The following JAZF1 variants were observed in gnomAD, a reference collection of about 807,000 sequenced individuals.
JAZF1 encodes the protein JAZF zinc finger 1.
JAZF1 carries 8 observed loss-of-function variants against 26.4 expected under a neutral mutation model. The ratio of observed to expected loss-of-function variants is 0.30; its 90% CI spans 0.18 to 0.55. The LOEUF (loss-of-function observed/expected upper bound fraction) is 0.55. JAZF1 is among the 20% of genes least tolerant of loss of function. The pLI, the probability that JAZF1 is intolerant of heterozygous loss-of-function variation, is 0.94. For missense variants in JAZF1, 199 were observed against 322.0 expected (o/e 0.62, Z 2.92); for synonymous variants, 126 against 122.3 (o/e 1.03, Z -0.20).
chr7:27,996,612 C>T (rs1351480159), intron 1 of JAZF1, among the ~76,000 whole-genome samples: 1 of 152,176 alleles, frequency 6.6e-6, no homozygotes, highest in Non-Finnish European at 1.5e-5. Context: ...ACTTGTGAAG[C>T]CACAGAGTTG....
Position 28,039,408 on chromosome 7 carries a change from G to GT in JAZF1, c.116-47428dup, listed in dbSNP as rs531098004. Among the ~76,000 whole-genome samples, 179 of 152,286 alleles carry GT rather than the reference G, an allele frequency of 1.2e-3. 1 individual carries two copies. The highest frequency in any genetic ancestry group is 6.8e-3 in the Middle Eastern group (2 of 294). Reference sequence around the variant, plus strand: ...AAAAAGTCAGAAAGAAGTGTAACATGTTTTTGCCAATTCTTTTCTATGGTC... The same window carrying GT: ...AAAAAGTCAGAAAGAAGTGTAACATGTTTTTTGCCAATTCTTTTCTATGGTC... On this transcript the variant is annotated intron_variant, in intron 1 of 4. Coordinates refer to ENST00000283928, the MANE Select transcript of JAZF1 (RefSeq NM_175061.4).
rs1321003738 is a variant in JAZF1, at chr7:27,832,300, TAA to T, written c.*498_*499del. On this transcript the variant is annotated 3_prime_UTR_variant, in exon 5 of 5. Transcript: ENST00000283928. Reference sequence around the variant, plus strand: ...CTTTCTTATTTATATTTCCATTACCTAAAGTCTTTCTACTCACAAATACTAAC... The same window carrying T: ...CTTTCTTATTTATATTTCCATTACCTAGTCTTTCTACTCACAAATACTAAC... 3 of 213,666 alleles carry T rather than the reference TAA, an allele frequency of 1.4e-5. No individual in the cohort carries two copies. The highest frequency in any genetic ancestry group is 2.8e-5 in the Non-Finnish European group (3 of 105,462). 13.2% of individuals were successfully genotyped at this position (213,666 alleles called of 1,614,324 possible).
At chr7:28,015,251 C>T (rs919211438) in intron 1 of JAZF1, among the ~76,000 whole-genome samples, 1 of 152,086 alleles carries the variant, frequency 6.6e-6, no homozygotes, top group South Asian at 2.1e-4. Flanking sequence ...CATTAGGGAA[C>T]TGAACTGAGA....
chr7:28,110,890 T>C (rs1259631651), intron 1 of JAZF1, among the ~76,000 whole-genome samples: 2 of 152,164 alleles, frequency 1.3e-5, no homozygotes, highest in East Asian at 1.9e-4. Context: ...TCTAATTCCA[T>C]CCAAAAGTTT....
intron 2 of JAZF1, among the ~76,000 whole-genome samples, chr7:27,972,529 C>T (rs115262731): frequency 0.013 from 2,044 of 152,266 alleles, 40 homozygotes; most frequent in African/African-American, 0.046. Flanking sequence ...TCAAGTGTGA[C>T]AGGAAGCCTT....
chr7:28,095,829 G>GTCCCAGA (rs1784374671), intron 1 of JAZF1, among the ~76,000 whole-genome samples: 1 of 152,236 alleles, frequency 6.6e-6, no homozygotes, highest in East Asian at 1.9e-4. Context: ...GAGGGCAGAA[G>GTCCCAGA]TCCCAGATCA....
chr7:27,999,840 G>A lies in JAZF1; in HGVS notation c.116-7859C>T, dbSNP rs75073630. Among the ~76,000 whole-genome samples the A allele has an allele frequency of 9.3e-4, 141 of 152,254 alleles. 2 individuals are homozygous for A. In the East Asian group the frequency reaches 0.023, roughly 25 times the overall value. On this transcript the variant is annotated intron_variant, in intron 1 of 4. Coordinates refer to ENST00000283928, the MANE Select transcript of JAZF1 (RefSeq NM_175061.4). ...CCTTGGAGAGTCAGGCAAACAGGAG[G>A]GGAAAACAGGCCCATGGTAAATGAC... is the stretch of plus-strand genomic sequence containing the variant.
chr7:27,864,476 C>G (rs1189952664), intron 3 of JAZF1, among the ~76,000 whole-genome samples: 1 of 152,170 alleles, frequency 6.6e-6, no homozygotes, highest in Non-Finnish European at 1.5e-5. Context: ...CTCACCTACT[C>G]AGTTTGGAGT....
intron 2 of JAZF1, chr7:27,914,799 C>T (rs1313663957): frequency 4.2e-6 from 2 of 471,062 alleles, no homozygotes; most frequent in Non-Finnish European, 8.8e-6. Flanking sequence ...CCATCTGATG[C>T]CCAATGTCCC....
rs116851257 is a variant in JAZF1, at chr7:28,047,730, C to T, written c.116-55749G>A. On this transcript the variant is annotated intron_variant, in intron 1 of 4. Coordinates refer to ENST00000283928, the MANE Select transcript of JAZF1 (RefSeq NM_175061.4). ...ATATATGGAGATGATCATATGGATT[C>T]TGGCCTTTTATGCCGTTAACTAAGC... Among the ~76,000 whole-genome samples, 792 of 152,278 alleles carry T rather than the reference C, an allele frequency of 5.2e-3. 4 individuals are homozygous for T. The highest frequency in any genetic ancestry group is 0.014 in the Middle Eastern group (4 of 294).
At chr7:28,096,497 T>C (rs1236198592) in intron 1 of JAZF1, among the ~76,000 whole-genome samples, 2 of 152,234 alleles carry the variant, frequency 1.3e-5, no homozygotes, top group Non-Finnish European at 2.9e-5. Context: ...TCAAATTAAA[T>C]ATTTTGTCTT....
intron 1 of JAZF1, among the ~76,000 whole-genome samples, chr7:28,055,718 T>C (rs1783694009): frequency 6.6e-6 from 1 of 152,164 alleles, no homozygotes; most frequent in Non-Finnish European, 1.5e-5. Context: ...GGCTGGCACA[T>C]AGTAGATGCA....
intron 1 of JAZF1, among the ~76,000 whole-genome samples, chr7:28,080,961 C>T (rs1784127613): frequency 1.3e-5 from 2 of 151,734 alleles, no homozygotes; most frequent in South Asian, 2.1e-4. Flanking sequence ...AATGCACTGT[C>T]TGCCAAGTGT....
intron 3 of JAZF1, among the ~76,000 whole-genome samples, chr7:27,887,902 A>G (rs939947956): frequency 5.3e-5 from 8 of 152,208 alleles, no homozygotes; most frequent in African/African-American, 9.6e-5. Context: ...AGAATTAGCC[A>G]TAAGACTCGA....
At chr7:28,108,727 G>A (rs1027338883) in intron 1 of JAZF1, among the ~76,000 whole-genome samples, 1 of 152,166 alleles carries the variant, frequency 6.6e-6, no homozygotes, top group African/African-American at 2.4e-5. Context: ...CAAAAAATCA[G>A]TATCTCAAAG....
intron 1 of JAZF1, among the ~76,000 whole-genome samples, chr7:28,117,707 A>G (rs964161024): frequency 6.6e-5 from 10 of 152,236 alleles, no homozygotes; most frequent in African/African-American, 2.2e-4. Flanking sequence ...TAGTCTAGAC[A>G]CTACAGAGGT....
At chr7:28,103,227 A>C (rs1554288419) in intron 1 of JAZF1, among the ~76,000 whole-genome samples, 1 of 151,876 alleles carries the variant, frequency 6.6e-6, no homozygotes, top group Non-Finnish European at 1.5e-5. Context: ...CCATTCCCAA[A>C]TGCCTATCTT....
chr7:28,102,419 C>T (rs1253701209), intron 1 of JAZF1, among the ~76,000 whole-genome samples: 2 of 152,216 alleles, frequency 1.3e-5, no homozygotes, highest in East Asian at 3.8e-4. Context: ...ATAAGTATCA[C>T]TCTCTGATTT....
rs117540211 is a variant in JAZF1 at position 27,974,619 on chromosome 7, G to A, written c.188+17290C>T. ...ATACTTTTATGTAGGAATTCTCCAC[G>A]TCCACTAAGTAGAGAGGCACATATT... On this transcript the variant is annotated intron_variant, in intron 2 of 4. Transcript: ENST00000283928. 5.3e-3 allele frequency among the ~76,000 whole-genome samples: 800 copies of A among 152,242 alleles called. 5 individuals carry two copies. The highest frequency in any genetic ancestry group is 9.3e-3 in the South Asian group (45 of 4,818).
Sources: allele counts gnomAD v4.1 joint callset (sites outside exome capture counted in the v4.1 genomes callset), GRCh38; gene constraint gnomAD v4.1.1; transcripts MANE v1.5; gene names NCBI Gene and HGNC (gene_info 2026-07-23, HGNC 2026-07-21).